The following ANKRD30BL variants were observed in gnomAD, a reference collection of about 807,000 sequenced individuals.
ANKRD30BL encodes the protein putative ankyrin repeat domain-containing protein 30B-like.
Under a neutral mutation model 18.4 loss-of-function variants are expected in ANKRD30BL, and 20 were observed. The observed-to-expected ratio is 1.09, with a 90% CI of 0.77 to 1.58. ANKRD30BL has a LOEUF of 1.58. Ranked by LOEUF, ANKRD30BL falls within the 40% of genes most tolerant of loss-of-function variation. ANKRD30BL has a pLI of 0.00. For synonymous variants in ANKRD30BL, 72 were observed against 100.9 expected, an observed-to-expected ratio of 0.71 and a Z score of 1.72; for missense variants, 224 against 268.6, an observed-to-expected ratio of 0.83 and a Z score of 1.16.
chr2:132,174,575 C>A (rs1044667041), intron 1 of ANKRD30BL, among the ~76,000 whole-genome samples: 2 of 152,008 alleles, frequency 1.3e-5, no homozygotes, highest in Admixed American at 6.6e-5. Flanking sequence ...AATGAAAGCA[C>A]ATTTTTAAGA....
intron 1 of ANKRD30BL, among the ~76,000 whole-genome samples, chr2:132,224,163 C>G (rs1300587412): frequency 1.3e-5 from 2 of 152,118 alleles, no homozygotes. Flanking sequence ...GAAGCATTCT[C>G]AGAAACTTCT....
intron 1 of ANKRD30BL, among the ~76,000 whole-genome samples, chr2:132,175,036 C>T (rs1315272327): frequency 6.6e-6 from 1 of 152,090 alleles, no homozygotes; most frequent in Non-Finnish European, 1.5e-5. Context: ...GGGTGGCCAG[C>T]CCCTCCACAT....
chr2:132,217,362 A>C lies in ANKRD30BL; in HGVS notation n.441+40167T>G, dbSNP rs1573853610. 2.0e-5 allele frequency among the ~76,000 whole-genome samples: 3 copies of C among 152,212 alleles called. No homozygotes were observed. In the East Asian group the frequency reaches 5.8e-4, roughly 29 times the overall value. On this transcript the variant is annotated intron_variant and non_coding_transcript_variant, in intron 1 of 4. Transcript: ENST00000470729. Reference sequence around the variant, plus strand: ...CTTTCTTTTGATAGAGCAGTTTTGAAACACTGTTTTTGTAGAATCTGCAAG... The same window carrying C: ...CTTTCTTTTGATAGAGCAGTTTTGACACACTGTTTTTGTAGAATCTGCAAG...
At chr2:132,246,188 C>T (rs546639781) in intron 1 of ANKRD30BL, among the ~76,000 whole-genome samples, 3 of 151,928 alleles carry the variant, frequency 2.0e-5, no homozygotes, top group Admixed American at 6.6e-5. Flanking sequence ...TCATTCAACT[C>T]ACTGAGTTGA....
chr2:132,245,229 T>C (rs561180794), intron 1 of ANKRD30BL, among the ~76,000 whole-genome samples: 2 of 152,394 alleles, frequency 1.3e-5, no homozygotes, highest in South Asian at 4.1e-4. Context: ...TGCAAGCGGA[T>C]GTTTGGATAA....
chr2:132,184,588 A>G (rs1688531700), intron 1 of ANKRD30BL, among the ~76,000 whole-genome samples: 1 of 152,218 alleles, frequency 6.6e-6, no homozygotes, highest in Non-Finnish European at 1.5e-5. Flanking sequence ...CTTTAATGTT[A>G]AAAGTTTCCA....
chr2:132,159,622 G>T (rs958846326), intron 1 of ANKRD30BL, among the ~76,000 whole-genome samples: 1 of 151,978 alleles, frequency 6.6e-6, no homozygotes, highest in Non-Finnish European at 1.5e-5. Flanking sequence ...GTTTTTTGTT[G>T]ATTTAAGTGA....
intron 1 of ANKRD30BL, among the ~76,000 whole-genome samples, chr2:132,224,877 A>G (rs1434984580): frequency 1.3e-5 from 2 of 151,820 alleles, no homozygotes; most frequent in South Asian, 2.1e-4. Flanking sequence ...AAAATCACAG[A>G]GTTGAACCTT....
At chr2:132,247,316 T>C (rs545587867) in intron 1 of ANKRD30BL, among the ~76,000 whole-genome samples, 63 of 151,980 alleles carry the variant, frequency 4.1e-4, no homozygotes, top group Middle Eastern at 3.4e-3. Context: ...AAAAAGGAAA[T>C]ATCTTCACAT....
chr2:132,249,101 CCTT>C (rs1467335570), intron 1 of ANKRD30BL, among the ~76,000 whole-genome samples: 10 of 151,788 alleles, frequency 6.6e-5, no homozygotes, highest in African/African-American at 2.2e-4. Context: ...TTCTCAGAAA[CCTT>C]CTGTCTAGTT....
At chr2:132,205,827 A>G (rs544177177) in intron 1 of ANKRD30BL, among the ~76,000 whole-genome samples, 4 of 152,082 alleles carry the variant, frequency 2.6e-5, no homozygotes, top group African/African-American at 9.6e-5. Context: ...CTTCAAAAAT[A>G]CCACTCAAAA....
intron 1 of ANKRD30BL, among the ~76,000 whole-genome samples, chr2:132,229,448 T>A (rs527892964): frequency 6.6e-6 from 1 of 152,046 alleles, no homozygotes; most frequent in Non-Finnish European, 1.5e-5. Context: ...AAAGGTAATA[T>A]CATCACATAA....
intron 1 of ANKRD30BL, among the ~76,000 whole-genome samples, chr2:132,211,810 C>A (rs959617881): frequency 2.0e-5 from 3 of 147,448 alleles, no homozygotes; most frequent in East Asian, 2.0e-4. Flanking sequence ...CAGAGTTGAA[C>A]CTTTCTTTTC....
chr2:132,153,435 C>G, intron 4 of ANKRD30BL: 1 of 430,254 alleles, frequency 2.3e-6, no homozygotes. Flanking sequence ...GCCATTAATC[C>G]TTCTAACTAG....
intron 1 of ANKRD30BL, among the ~76,000 whole-genome samples, chr2:132,203,493 GA>G (rs1429695763): frequency 2.0e-5 from 3 of 151,908 alleles, no homozygotes; most frequent in African/African-American, 4.8e-5. Flanking sequence ...ACTGAGAGAA[GA>G]AAAAAATTTT....
intron 1 of ANKRD30BL, among the ~76,000 whole-genome samples, chr2:132,176,348 T>C (rs1033755019): frequency 3.8e-4 from 58 of 152,176 alleles, no homozygotes; most frequent in African/African-American, 1.2e-3. Context: ...ATCAACATGG[T>C]GAAACCCTGT....
At chr2:132,225,887 T>C (rs1679831539) in intron 1 of ANKRD30BL, among the ~76,000 whole-genome samples, 1 of 152,084 alleles carries the variant, frequency 6.6e-6, no homozygotes, top group African/African-American at 2.4e-5. Flanking sequence ...GATAGTGATG[T>C]GTGCATTCAA....
At chr2:132,153,536 C>A (rs1041418641) in intron 4 of ANKRD30BL, 1 of 513,780 alleles carries the variant, frequency 1.9e-6, no homozygotes, top group African/African-American at 1.9e-5. Context: ...TCTCACCTAG[C>A]CTTTAAATGT....
intron 1 of ANKRD30BL, among the ~76,000 whole-genome samples, chr2:132,249,593 A>T (rs548009070): frequency 6.6e-6 from 1 of 152,074 alleles, no homozygotes; most frequent in East Asian, 2.0e-4. Context: ...GAATGTACAC[A>T]TCAAAAAAAA....
Sources: allele counts gnomAD v4.1 joint callset (sites outside exome capture counted in the v4.1 genomes callset), GRCh38; gene constraint gnomAD v4.1.1; transcripts MANE v1.5; gene names NCBI Gene and HGNC (gene_info 2026-07-23, HGNC 2026-07-21).